GDF5: variants seen among roughly 807,000 people sequenced by gnomAD.
GDF5 encodes the protein growth/differentiation factor 5.
In GDF5, 17 loss-of-function variants were observed where a neutral mutation model predicts 34.6. The observed-to-expected ratio is 0.49, with a 90% CI of 0.34 to 0.74. The LOEUF (loss-of-function observed/expected upper bound fraction) is 0.74, where lower values mean the gene tolerates loss of function less well. Among genes scored for constraint, GDF5 ranks in the 30% least tolerant of loss-of-function variants. The pLI is 0.01. For missense variants in GDF5, 616 were observed against 661.2 expected (o/e 0.93, Z 0.75); for synonymous variants, 332 against 290.7 (o/e 1.14, Z -1.44).
chr20:35,433,827 C>G lies in GDF5; in HGVS notation c.*82G>C. On this transcript the variant is annotated 3_prime_UTR_variant, in exon 2 of 2. Transcript: ENST00000374369. ...AGCTGTGTAGATGCTCCTGCCACAG[C>G]TTCCTGACCCCTCTGTGATTCCAGG... The G allele has an allele frequency of 8.4e-7, 1 of 1,188,280 alleles. No homozygotes were observed. Among genetic ancestry groups the G allele is most frequent in the South Asian group, 1.2e-5 (1 of 81,742 alleles). 73.6% of individuals were successfully genotyped at this position (1,188,280 alleles called of 1,614,324 possible). A position where few individuals can be genotyped will look rare whatever the true frequency, so the allele number is the denominator to read the frequency against.
rs143351308 is a variant in GDF5, at chr20:35,448,397, C to CAAAAA, written c.-398+6238_-398+6242dup. On this transcript the variant is annotated intron_variant, in intron 1 of 3. Transcript: ENST00000374372. ...TGGCTACGGGACTTTTTGTTTTTTT[C>CAAAAA]AAAAAAAAAAAAAAAAATATATATA... Among the ~76,000 whole-genome samples, 21 of 110,528 alleles carry CAAAAA rather than the reference C, an allele frequency of 1.9e-4. 1 individual carries two copies. Among genetic ancestry groups the CAAAAA allele is most frequent in the African/African-American group, 7.3e-4 (20 of 27,352 alleles). 72.5% of individuals were successfully genotyped at this position (110,528 alleles called of 152,430 possible).
Position 35,434,668 on chromosome 20 carries a change from C to T in GDF5, c.747G>A (p.Thr249=), listed in dbSNP as rs1419771616. Residue 249 remains threonine (T), a synonymous_variant, in exon 2 of 2, where the codon ACG becomes ACA. Coordinates refer to ENST00000374369, the MANE Select transcript of GDF5 (RefSeq NM_000557.5). ...LRILRKKPSD[T]AKPAAPGGGR... Reference sequence around the variant, plus strand: ...CGCCTCCGGGGGCCGCTGGCTTGGCCGTGTCCGAGGGCTTCTTCCGCAAGA... The same window carrying T: ...CGCCTCCGGGGGCCGCTGGCTTGGCTGTGTCCGAGGGCTTCTTCCGCAAGA... The T allele has an allele frequency of 6.2e-7, 1 of 1,612,322 alleles. No homozygotes were observed. The highest frequency in any genetic ancestry group is 8.5e-7 in the Non-Finnish European group (1 of 1,178,998).
In GDF5 at chr20:35,437,770, CA is replaced by C. The variant is rs886042462; in HGVS notation, c.158del (p.Leu53ArgfsTer34). 3.1e-6 allele frequency: 5 copies of C among 1,611,930 alleles called. No homozygotes were observed. The highest frequency in any genetic ancestry group is 4.2e-6 in the Non-Finnish European group (5 of 1,179,198). ...CCCCTGGCCTGAAGACGTTCCGGGC[CA>C]GGGGGGGCCTCTCCTTGGCCTCTGC... ...AKAEAKERPP[L>X]ARNVFRPGGH... On this transcript the variant is annotated frameshift_variant, in exon 1 of 2. Transcript: ENST00000374369. LOFTEE classifies it high-confidence loss of function.
At chr20:35,447,228 G>T (rs1295862905) in intron 1 of GDF5, among the ~76,000 whole-genome samples, 2 of 151,264 alleles carry the variant, frequency 1.3e-5, no homozygotes, top group South Asian at 2.1e-4. Flanking sequence ...AACAGGCCCC[G>T]GTGTGTGATG....
chr20:35,438,568 C>T (rs999407049), upstream of GDF5, among the ~76,000 whole-genome samples: 6 of 152,158 alleles, frequency 3.9e-5, no homozygotes, highest in African/African-American at 1.2e-4. Context: ...CCATGGCTCA[C>T]GGGGGCTCCT....
intron 1 of GDF5, among the ~76,000 whole-genome samples, chr20:35,437,007 G>A (rs1437439491): frequency 1.3e-5 from 2 of 152,230 alleles, no homozygotes; most frequent in African/African-American, 4.8e-5. Flanking sequence ...TCGGAATCTG[G>A]TCTCCAACTC....
intron 1 of GDF5, among the ~76,000 whole-genome samples, chr20:35,451,546 A>C (rs562271313): frequency 4.0e-5 from 6 of 149,170 alleles, no homozygotes; most frequent in Admixed American, 2.7e-4. Flanking sequence ...TGCTCCATGC[A>C]GTTTGCAGAA....
At chr20:35,435,841 G>A (rs975001593) in intron 1 of GDF5, among the ~76,000 whole-genome samples, 18 of 152,200 alleles carry the variant, frequency 1.2e-4, no homozygotes, top group African/African-American at 4.3e-4. Flanking sequence ...CGCATTATAT[G>A]TATAAATGAT....
At chr20:35,448,519 C>T (rs2146590663) in intron 1 of GDF5, among the ~76,000 whole-genome samples, 1 of 130,846 alleles carries the variant, frequency 7.6e-6, no homozygotes, top group Non-Finnish European at 1.6e-5. Context: ...TCTTGGCTCA[C>T]TGTAACCTCC....
intron 1 of GDF5, among the ~76,000 whole-genome samples, chr20:35,450,782 C>A (rs540429685): frequency 6.6e-6 from 1 of 151,998 alleles, no homozygotes; most frequent in South Asian, 2.1e-4. Context: ...TGCTAGAGTT[C>A]ACAGGCAGGA....
chr20:35,451,184 C>T lies in GDF5; in HGVS notation c.-398+3456G>A, dbSNP rs567537363. On this transcript the variant is annotated intron_variant, in intron 1 of 3. Coordinates refer to the GDF5 transcript ENST00000374372. ...TTTTAATTCAGTTAGTCCAGACGGC[C>T]TCTTGGCATGGGCTAGGAGGAATAT... Among the ~76,000 whole-genome samples the T allele has an allele frequency of 2.7e-5, 4 of 150,806 alleles. No individual in the cohort carries two copies. In the South Asian group the frequency reaches 8.3e-4, roughly 31 times the overall value.
upstream of GDF5, among the ~76,000 whole-genome samples, chr20:35,439,236 CTTTT>C (rs1210665697): frequency 1.5e-5 from 2 of 129,262 alleles, no homozygotes; most frequent in Non-Finnish European, 3.3e-5. Flanking sequence ...CCACATGACG[CTTTT>C]TTTTTTTTTT....
At chr20:35,451,545 C>A (rs925854673) in intron 1 of GDF5, among the ~76,000 whole-genome samples, 3 of 150,614 alleles carry the variant, frequency 2.0e-5, no homozygotes, top group Non-Finnish European at 2.9e-5. Flanking sequence ...ATGCTCCATG[C>A]AGTTTGCAGA....
chr20:35,435,049 C>G lies in GDF5; in HGVS notation c.632-266G>C, dbSNP rs183217013. On this transcript the variant is annotated intron_variant, in intron 1 of 1. Transcript: ENST00000374369. ...ATTCTGGTGTTTGTGTCATGATATA[C>G]GTGTTATCAGAGATTTATCAGCTTT... 35 of 621,272 alleles carry G rather than the reference C, an allele frequency of 5.6e-5. No homozygotes were observed. In the Admixed American group the frequency reaches 9.5e-4, roughly 17 times the overall value. 38.5% of individuals were successfully genotyped at this position (621,272 alleles called of 1,614,324 possible).
intron 1 of GDF5, among the ~76,000 whole-genome samples, chr20:35,444,896 T>C (rs916465533): frequency 2.6e-5 from 4 of 152,074 alleles, no homozygotes; most frequent in African/African-American, 9.7e-5. Flanking sequence ...CCCCGTCTAA[T>C]TTTTGTATTT....
At chr20:35,443,525 T>TA (rs56159252) in intron 1 of GDF5, among the ~76,000 whole-genome samples, 49 of 151,388 alleles carry the variant, frequency 3.2e-4, no homozygotes, top group African/African-American at 1.2e-3. Flanking sequence ...TTATTATTAT[T>TA]TTTGGAGACA....
chr20:35,441,129 A>T (rs148404174), upstream of GDF5: 1 of 152,362 alleles, frequency 6.6e-6, no homozygotes, highest in East Asian at 1.9e-4. Flanking sequence ...GGAGACAAAC[A>T]GACCTGGTTT....
Position 35,437,630 on chromosome 20 carries a change from C to T in GDF5, c.299G>A (p.Arg100Lys), listed in dbSNP as rs1158506896. The change falls in exon 1 of 2, where the codon AGA becomes AAA. Residue 100 changes from arginine (R) to lysine (K), a missense_variant. Arg to Lys is a conservative substitution (Grantham distance 26, BLOSUM62 2). Coordinates refer to ENST00000374369, the MANE Select transcript of GDF5 (RefSeq NM_000557.5). ...KKDEPKKLPP[R>K]PGGPEPKPGH... ...TGGCTTGGGTTCAGGGCCGCCCGGT[C>T]TGGGGGGCAGCTTTTTGGGTTCATC... The T allele has an allele frequency of 1.2e-6, 2 of 1,614,004 alleles. No individual in the cohort carries two copies. Among genetic ancestry groups the T allele is most frequent in the South Asian group, 1.1e-5 (1 of 91,078 alleles).
At position 35,437,463 on chromosome 20, in the gene GDF5, G is replaced by C. The variant is rs1194065564; in HGVS notation, c.466C>G (p.Arg156Gly). ...LKKAREPGPP[R>G]EPKEPFRPPP... ...GGGCGAAACGGCTCCTTGGGCTCTC[G>C]TGGGGGCCCGGGCTCCCTGGCCTTC... Residue 156 changes from arginine to glycine, a missense_variant, in exon 1 of 2, where the codon CGA (arginine) becomes GGA (glycine). Arg to Gly is a moderately radical substitution (Grantham distance 125). Transcript: ENST00000374369. 1 of 1,614,030 alleles carries C rather than the reference G, an allele frequency of 6.2e-7. No individual in the cohort carries two copies. Among genetic ancestry groups the C allele is most frequent in the Non-Finnish European group, 8.5e-7 (1 of 1,179,948 alleles).
Sources: gnomAD v4.1 joint callset for allele counts (sites outside exome capture counted in the v4.1 genomes callset) on GRCh38, gnomAD v4.1.1 for gene constraint, MANE v1.5 for transcripts, NCBI Gene and HGNC (gene_info 2026-07-23, HGNC 2026-07-21) for gene names.